The following SEL1L3 variants were observed in gnomAD, a reference collection of about 807,000 sequenced individuals.
SEL1L3 encodes protein sel-1 homolog 3.
SEL1L3 carries 76 observed loss-of-function variants against 142.8 expected under a neutral mutation model. The ratio of observed to expected loss-of-function variants is 0.53; its 90% CI spans 0.44 to 0.64. The LOEUF (loss-of-function observed/expected upper bound fraction) is 0.64, where lower values mean the gene tolerates loss of function less well. Ranked by LOEUF, SEL1L3 falls within the 30% of genes least tolerant of loss-of-function variation. The pLI, the probability that SEL1L3 is intolerant of heterozygous loss-of-function variation, is 0.00. For missense variants in SEL1L3, 1,262 were observed against 1,381.7 expected (o/e 0.91, Z 1.37); for synonymous variants, 504 against 519.6 (o/e 0.97, Z 0.41).
At chr4:25,723,636 C>T in the SEL1L3 span, among the ~76,000 whole-genome samples, 1 of 152,150 alleles carries the variant, frequency 6.6e-6, no homozygotes, top group Non-Finnish European at 1.5e-5. Context: ...GCAATGGTTC[C>T]TGTACTCATG....
chr4:25,832,762 C>A (rs1715528211), intron 5 of SEL1L3, among the ~76,000 whole-genome samples: 1 of 152,240 alleles, frequency 6.6e-6, no homozygotes. Flanking sequence ...ATGCTTTATT[C>A]ATTCACCCTA....
At chr4:25,863,287 A>G, upstream of SEL1L3, 6 of 194,492 alleles carry the variant, frequency 3.1e-5, no homozygotes, top group East Asian at 2.7e-4. Context: ...GCTCTCTGCG[A>G]TCCCCCTCCT....
chr4:25,790,090 C>A (rs997883658), intron 12 of SEL1L3, among the ~76,000 whole-genome samples: 20 of 152,158 alleles, frequency 1.3e-4, no homozygotes, highest in African/African-American at 4.6e-4. Context: ...CTCTTTAGAG[C>A]TGGTCATAAA....
chr4:25,862,666 G>A lies in SEL1L3; in HGVS notation c.162+9C>T, dbSNP rs1717808693. The A allele has an allele frequency of 7.8e-7, 1 of 1,274,668 alleles. No homozygotes were observed. 79.0% of individuals were successfully genotyped at this position (1,274,668 alleles called of 1,614,324 possible). A position where few individuals can be genotyped will look rare whatever the true frequency, so the allele number is the denominator to read the frequency against. On this transcript the variant is annotated intron_variant, in intron 1 of 23. Coordinates refer to ENST00000399878, the MANE Select transcript of SEL1L3 (RefSeq NM_015187.5). ...GGAGGGGAAGACCCGGGCAGGGTCC[G>A]GCGCTCACCAGGTAGCAGAGCAGGA...
the SEL1L3 span, among the ~76,000 whole-genome samples, chr4:25,733,658 C>T: frequency 2.0e-5 from 3 of 151,384 alleles, no homozygotes; most frequent in Non-Finnish European, 4.4e-5. Context: ...GTAGCTGGGA[C>T]TACAGGCGCG....
At chr4:25,836,655 A>G (rs1041331367) in intron 2 of SEL1L3, among the ~76,000 whole-genome samples, 4 of 152,178 alleles carry the variant, frequency 2.6e-5, no homozygotes, top group Non-Finnish European at 4.4e-5. Context: ...CCATCTCAAA[A>G]AAAAGGGATA....
At chr4:25,837,211 T>C (rs564719798) in intron 2 of SEL1L3, among the ~76,000 whole-genome samples, 17 of 150,966 alleles carry the variant, frequency 1.1e-4, no homozygotes, top group Non-Finnish European at 2.1e-4. Flanking sequence ...ACCAAGGAAG[T>C]TGACATCAGC....
intron 1 of SEL1L3, among the ~76,000 whole-genome samples, chr4:25,858,285 C>T (rs929061135): frequency 6.6e-6 from 1 of 152,194 alleles, no homozygotes; most frequent in Non-Finnish European, 1.5e-5. Flanking sequence ...AATATGGAAG[C>T]TATTGGTTGA....
chr4:25,832,952 G>T, intron 5 of SEL1L3, 43 bp downstream of exon 5: 1 of 1,247,240 alleles, frequency 8.0e-7, no homozygotes, highest in Non-Finnish European at 1.2e-6. Context: ...AACTTTAAGC[G>T]AAAATGCTCG....
intron 16 of SEL1L3, chr4:25,777,790 G>A (rs2109161038): frequency 4.4e-6 from 2 of 455,952 alleles, no homozygotes; most frequent in East Asian, 7.0e-5. Flanking sequence ...CCAAGGTCAG[G>A]TCAGGTTGAA....
At chr4:25,806,798 G>T (rs1219381601) in intron 9 of SEL1L3, among the ~76,000 whole-genome samples, 3 of 151,850 alleles carry the variant, frequency 2.0e-5, no homozygotes, top group Non-Finnish European at 1.5e-5. Context: ...TGAACGAATG[G>T]AGTTTGTTCC....
At chr4:25,747,054 C>T (rs1310868124), downstream of SEL1L3, among the ~76,000 whole-genome samples, 1 of 152,180 alleles carries the variant, frequency 6.6e-6, no homozygotes, top group Non-Finnish European at 1.5e-5. Context: ...CCAGGACTGT[C>T]AGCCTTCAAT....
At chr4:25,740,526 C>T in the SEL1L3 span, among the ~76,000 whole-genome samples, 3 of 152,156 alleles carry the variant, frequency 2.0e-5, no homozygotes, top group South Asian at 4.2e-4. Context: ...TACTGATGGA[C>T]ACATCCAGGA....
In SEL1L3 at chr4:25,783,252, T is replaced by C. The variant is rs2109173950; in HGVS notation, c.2281-834A>G. Among the ~76,000 whole-genome samples the C allele has an allele frequency of 1.3e-5, 2 of 152,284 alleles. 1 individual carries two copies. The highest frequency in any genetic ancestry group is 4.1e-4 in the South Asian group (2 of 4,828). On this transcript the variant is annotated intron_variant, in intron 14 of 23. Transcript: ENST00000399878. ...TTCTGCCCTAGAGTTTCTGTTGGGG[T>C]CAGGAGTTGGAGTACAAATCAGGGG...
chr4:25,852,318 C>T (rs897130112), intron 1 of SEL1L3, among the ~76,000 whole-genome samples: 16 of 152,180 alleles, frequency 1.1e-4, no homozygotes, highest in Non-Finnish European at 1.8e-4. Context: ...ACCTTCCCCA[C>T]GCCATAGCAA....
At chr4:25,763,965 A>G (rs1321770497) in intron 20 of SEL1L3, among the ~76,000 whole-genome samples, 2 of 152,234 alleles carry the variant, frequency 1.3e-5, no homozygotes, top group Non-Finnish European at 2.9e-5. Context: ...AGCAGAGGGT[A>G]ACAACTATCC....
At chr4:25,798,005 G>A (rs751711856) in intron 11 of SEL1L3, among the ~76,000 whole-genome samples, 2 of 152,198 alleles carry the variant, frequency 1.3e-5, no homozygotes, top group African/African-American at 4.8e-5. Context: ...GGGGAAGTGG[G>A]AGGGGCATGG....
intron 8 of SEL1L3, among the ~76,000 whole-genome samples, chr4:25,818,519 C>G (rs190524354): frequency 9.7e-4 from 147 of 152,300 alleles, no homozygotes; most frequent in African/African-American, 3.2e-3. Context: ...ACAGAATGAG[C>G]AGCTGGCCTC....
chr4:25,809,476 G>A (rs1713870911), intron 9 of SEL1L3, among the ~76,000 whole-genome samples: 2 of 152,030 alleles, frequency 1.3e-5, no homozygotes, highest in South Asian at 4.2e-4. Context: ...TAGAGACAGG[G>A]CTTCGCTATG....
Sources: gnomAD v4.1 joint callset for allele counts (sites outside exome capture counted in the v4.1 genomes callset) on GRCh38, gnomAD v4.1.1 for gene constraint, MANE v1.5 for transcripts, NCBI Gene and HGNC (gene_info 2026-07-23, HGNC 2026-07-21) for gene names.